The following ATG14 variants were observed in gnomAD, a reference collection of about 807,000 sequenced individuals.
ATG14 encodes beclin 1-associated autophagy-related key regulator.
A neutral mutation model predicts 60.4 loss-of-function variants in ATG14; 35 were observed. That is an observed-to-expected ratio of 0.58 (90% CI 0.44 to 0.77). ATG14 has a LOEUF of 0.77. Ranked by LOEUF, ATG14 falls within the 30% of genes least tolerant of loss-of-function variation. ATG14 has a pLI of 0.00. For missense variants in ATG14, 647 were observed against 626.3 expected, an observed-to-expected ratio of 1.03 and a Z score of -0.35; for synonymous variants, 234 against 228.8, an observed-to-expected ratio of 1.02 and a Z score of -0.21.
At chr14:55,374,699 G>T (rs1884886349) in intron 9 of ATG14, among the ~76,000 whole-genome samples, 1 of 151,796 alleles carries the variant, frequency 6.6e-6, no homozygotes, top group South Asian at 2.1e-4. Context: ...TTTTATTTTT[G>T]TATATAGAAT....
intron 1 of ATG14, among the ~76,000 whole-genome samples, chr14:55,407,223 G>A (rs1885505572): frequency 1.3e-5 from 2 of 152,152 alleles, no homozygotes; most frequent in Non-Finnish European, 2.9e-5. Context: ...CCGCCTCCCG[G>A]GTTCAGGCAA....
intron 1 of ATG14, among the ~76,000 whole-genome samples, chr14:55,407,213 C>T (rs1885505244): frequency 6.6e-6 from 1 of 152,190 alleles, no homozygotes; most frequent in Non-Finnish European, 1.5e-5. Context: ...ACTGCAACCT[C>T]CGCCTCCCGG....
chr14:55,402,926 AATATATATATATATATATATATATAT>A (rs71131262), intron 1 of ATG14, among the ~76,000 whole-genome samples: 32 of 16,402 alleles, frequency 2.0e-3, no homozygotes, highest in Middle Eastern at 0.042. Context: ...AAAAAAAAAA[AATATATATATATATATATATATATAT>A]ATATATATAT....
intron 3 of ATG14, among the ~76,000 whole-genome samples, chr14:55,393,789 G>A (rs745357871): frequency 2.0e-4 from 31 of 151,882 alleles, no homozygotes; most frequent in Non-Finnish European, 5.9e-5. Flanking sequence ...CTGGGCTTGA[G>A]CAATCCACCT....
chr14:55,369,926 C>T lies in ATG14; in HGVS notation c.1173-1G>A. 1.3e-6 allele frequency: 2 copies of T among 1,597,380 alleles called. No homozygotes were observed. The highest frequency in any genetic ancestry group is 1.7e-5 in the Admixed American group (1 of 57,544). On this transcript the variant is annotated splice_acceptor_variant, in intron 9 of 9. Transcript: ENST00000247178. LOFTEE classifies it high-confidence loss of function. Reference sequence around the variant, plus strand: ...TGCTCGTACTTCAAAGGGCCCTGACCTGTGTGCAGACAATGAGGGTCTCTT... The same window carrying T: ...TGCTCGTACTTCAAAGGGCCCTGACTTGTGTGCAGACAATGAGGGTCTCTT...
At chr14:55,393,913 TATTA>T (rs1387177440) in intron 3 of ATG14, among the ~76,000 whole-genome samples, 3 of 152,134 alleles carry the variant, frequency 2.0e-5, no homozygotes, top group Non-Finnish European at 4.4e-5. Context: ...TATCCTAGTT[TATTA>T]TTTTTTTCCA....
At chr14:55,398,755 A>G (rs1330357046) in intron 1 of ATG14, among the ~76,000 whole-genome samples, 1 of 152,096 alleles carries the variant, frequency 6.6e-6, no homozygotes, top group Non-Finnish European at 1.5e-5. Context: ...GTGTTCTATA[A>G]ATGTCTTCTA....
intron 4 of ATG14, among the ~76,000 whole-genome samples, chr14:55,390,404 T>C (rs529481209): frequency 1.3e-5 from 2 of 150,948 alleles, no homozygotes; most frequent in African/African-American, 2.4e-5. Context: ...AGACAGAGTC[T>C]GGCTCTGTGC....
At chr14:55,380,875 A>ATATATATATTTT (rs377330757) in intron 6 of ATG14, among the ~76,000 whole-genome samples, 185 bp from the exon 7 acceptor site, 1 of 112,704 alleles carries the variant, frequency 8.9e-6, no homozygotes, top group African/African-American at 3.8e-5. Context: ...ATATATATAT[A>ATATATATATTTT]TTTTTTTTTT....
At chr14:55,400,586 T>G (rs1397610526) in intron 1 of ATG14, among the ~76,000 whole-genome samples, 4 of 152,190 alleles carry the variant, frequency 2.6e-5, no homozygotes, top group Admixed American at 2.6e-4. Context: ...GCTTTCAAGT[T>G]TCTCCATGAG....
chr14:55,371,602 C>T (rs751538956), intron 9 of ATG14, among the ~76,000 whole-genome samples: 2 of 152,072 alleles, frequency 1.3e-5, no homozygotes, highest in African/African-American at 4.8e-5. Context: ...GTCAGGAGAT[C>T]GAGACCATTG....
At chr14:55,375,257 GA>G (rs1884895730) in intron 9 of ATG14, among the ~76,000 whole-genome samples, 1 of 152,106 alleles carries the variant, frequency 6.6e-6, no homozygotes, top group Non-Finnish European at 1.5e-5. Flanking sequence ...ACAGTAAAAG[GA>G]ATACTTTTTC....
intron 1 of ATG14, among the ~76,000 whole-genome samples, chr14:55,397,844 T>C (rs1208191741): frequency 1.3e-5 from 2 of 152,120 alleles, no homozygotes; most frequent in African/African-American, 4.8e-5. Flanking sequence ...TTTTTAAAAA[T>C]TGTAGACTTT....
intron 3 of ATG14, chr14:55,395,262 C>T (rs952162554): frequency 3.3e-5 from 11 of 338,388 alleles, no homozygotes; most frequent in African/African-American, 8.8e-5. Context: ...GTGTGCCAAG[C>T]GCCTGCGAGG....
chr14:55,387,513 T>G (rs1885145055), intron 4 of ATG14, among the ~76,000 whole-genome samples: 1 of 152,156 alleles, frequency 6.6e-6, no homozygotes, highest in African/African-American at 2.4e-5. Flanking sequence ...GGCGCATAGC[T>G]CTTGGTTCCT....
intron 9 of ATG14, among the ~76,000 whole-genome samples, chr14:55,374,460 G>A (rs1044684435): frequency 2.0e-5 from 3 of 152,144 alleles, no homozygotes; most frequent in Non-Finnish European, 4.4e-5. Flanking sequence ...GTCTGTTATA[G>A]AGGTTGTGGA....
chr14:55,395,686 C>T (rs77604075), intron 3 of ATG14, among the ~76,000 whole-genome samples: 8,856 of 152,238 alleles, frequency 0.058, 324 homozygotes, highest in South Asian at 0.089. Context: ...AAAAGAATAA[C>T]AGCCCATTGT....
intron 1 of ATG14, among the ~76,000 whole-genome samples, chr14:55,401,431 T>C (rs1463251944): frequency 2.0e-5 from 3 of 152,236 alleles, no homozygotes; most frequent in Non-Finnish European, 4.4e-5. Flanking sequence ...ACACTAGTTT[T>C]TGTGCTGTTT....
chr14:55,405,779 A>G (rs1885478590), intron 1 of ATG14, among the ~76,000 whole-genome samples: 1 of 151,972 alleles, frequency 6.6e-6, no homozygotes, highest in South Asian at 2.1e-4. Context: ...ACTGCCTAAT[A>G]TCATTCTTCT....
Sources: gnomAD v4.1 joint callset for allele counts (sites outside exome capture counted in the v4.1 genomes callset) on GRCh38, gnomAD v4.1.1 for gene constraint, MANE v1.5 for transcripts, NCBI Gene and HGNC (gene_info 2026-07-23, HGNC 2026-07-21) for gene names.